NWD2: variants seen among roughly 807,000 people sequenced by gnomAD.
NWD2 encodes NACHT and WD repeat domain-containing protein 2.
NWD2 carries 37 observed loss-of-function variants against 132.7 expected under a neutral mutation model. That is an observed-to-expected ratio of 0.28 (90% confidence interval 0.21 to 0.37). The LOEUF (loss-of-function observed/expected upper bound fraction) is 0.37. Ranked by LOEUF, NWD2 falls within the 10% of genes least tolerant of loss-of-function variation. NWD2 has a pLI of 1.00. For synonymous variants in NWD2, 705 were observed against 803.0 expected (o/e 0.88, Z 2.06); for missense variants, 1,592 against 2,122.4 (o/e 0.75, Z 4.91).
intron 2 of NWD2, among the ~76,000 whole-genome samples, chr4:37,335,010 C>T (rs575377514): frequency 5.8e-4 from 88 of 152,168 alleles, no homozygotes; most frequent in African/African-American, 2.1e-3. Flanking sequence ...CCTTTTCCTC[C>T]CTAATACCAA....
rs186484374 is a variant in NWD2, at chr4:37,423,011, G to A, written c.358-7561G>A. On this transcript the variant is annotated intron_variant, in intron 3 of 6. Coordinates refer to ENST00000309447, the MANE Select transcript of NWD2 (RefSeq NM_001144990.2). ...TTTTTTTTTTTGCCCATAGAGAGATGCCAGTAAATATCAAATTATTATCAA... is the reference window on the plus strand; with the variant it reads ...TTTTTTTTTTTGCCCATAGAGAGATACCAGTAAATATCAAATTATTATCAA... Among the ~76,000 whole-genome samples the A allele has an allele frequency of 4.8e-3, 723 of 151,258 alleles. 4 individuals carry two copies. The highest frequency in any genetic ancestry group is 5.5e-3 in the Non-Finnish European group (371 of 67,930).
At chr4:37,313,161 T>C (rs996127937) in intron 1 of NWD2, among the ~76,000 whole-genome samples, 1 of 151,238 alleles carries the variant, frequency 6.6e-6, no homozygotes, top group Non-Finnish European at 1.5e-5. Flanking sequence ...TTAGGGAGGA[T>C]TCCCTCTTTT....
chr4:37,321,304 T>C (rs964677372), intron 1 of NWD2, among the ~76,000 whole-genome samples: 8 of 152,208 alleles, frequency 5.3e-5, no homozygotes, highest in Admixed American at 5.2e-4. Flanking sequence ...CTTGCTGAAG[T>C]GAAATCAAGA....
intron 3 of NWD2, among the ~76,000 whole-genome samples, chr4:37,368,693 G>C (rs769991748): frequency 1.3e-5 from 2 of 152,156 alleles, no homozygotes; most frequent in Non-Finnish European, 2.9e-5. Flanking sequence ...GGCAGGAGAG[G>C]TGAGGGTACT....
intron 1 of NWD2, among the ~76,000 whole-genome samples, chr4:37,252,045 C>CT (rs1376700545): frequency 2.6e-5 from 4 of 152,020 alleles, no homozygotes; most frequent in African/African-American, 9.7e-5. Context: ...TAAACCAACT[C>CT]GAGGTGTGGA....
intron 1 of NWD2, among the ~76,000 whole-genome samples, chr4:37,275,891 G>C (rs2109265713): frequency 6.6e-6 from 1 of 152,242 alleles, no homozygotes; most frequent in East Asian, 1.9e-4. Flanking sequence ...AAACTGGCTA[G>C]CCATATGGAG....
At chr4:37,377,693 TG>T (rs1300594112) in intron 3 of NWD2, among the ~76,000 whole-genome samples, 3 of 152,202 alleles carry the variant, frequency 2.0e-5, no homozygotes, top group African/African-American at 7.2e-5. Context: ...ATCACGCCGT[TG>T]CACTCCAGCC....
At chr4:37,431,543 G>C (rs898116176) in intron 4 of NWD2, among the ~76,000 whole-genome samples, 1 of 152,108 alleles carries the variant, frequency 6.6e-6, no homozygotes, top group Non-Finnish European at 1.5e-5. Flanking sequence ...AGAGATGTTG[G>C]TCAAAGGTCA....
chr4:37,407,978 C>A (rs939391448), intron 3 of NWD2, among the ~76,000 whole-genome samples: 1 of 152,180 alleles, frequency 6.6e-6, no homozygotes, highest in Non-Finnish European at 1.5e-5. Flanking sequence ...GGAACTGAGC[C>A]TGAGGAACTC....
chr4:37,349,479 T>C (rs966382597), intron 2 of NWD2, among the ~76,000 whole-genome samples: 3 of 152,202 alleles, frequency 2.0e-5, no homozygotes, highest in Admixed American at 2.0e-4. Context: ...ATAAATGTCT[T>C]CTTTTTTGAA....
At position 37,444,866 on chromosome 4, in the gene NWD2, C is replaced by A. The variant is rs762441618; in HGVS notation, c.2878C>A (p.Arg960Ser). Residue 960 changes from arginine (R) to serine (S), a missense_variant, in exon 7 of 7, where the codon CGT becomes AGT. Arg to Ser is a moderately radical substitution (Grantham distance 110). This residue lies in a region of NWD2 where 1,071 missense variants were observed against 1,398.0 expected (regional missense o/e 0.77). Coordinates refer to ENST00000309447, the MANE Select transcript of NWD2 (RefSeq NM_001144990.2). This position sits in a 1 kb window ranked among gnomAD's most constrained non-coding sequence, Gnocchi z 4.8. Reference protein sequence around the residue: ...SSMDVTYSPERLPLSSSHLHV... With the variant: ...SSMDVTYSPESLPLSSSHLHV... ...CATGGATGTGACATACAGCCCAGAG[C>A]GTCTTCCCTTATCATCCAGTCACCT... 5.8e-6 allele frequency: 9 copies of A among 1,552,250 alleles called. No individual in the cohort carries two copies. The South Asian group carries it at 1.1e-4, about 18-fold the overall frequency.
At chr4:37,305,687 G>C (rs1306072148) in intron 1 of NWD2, among the ~76,000 whole-genome samples, 1 of 152,214 alleles carries the variant, frequency 6.6e-6, no homozygotes, top group East Asian at 1.9e-4. Context: ...AGTTGACTGT[G>C]GTATAGAATC....
At chr4:37,370,838 T>G (rs557689386) in intron 3 of NWD2, among the ~76,000 whole-genome samples, 15 of 152,310 alleles carry the variant, frequency 9.8e-5, no homozygotes, top group African/African-American at 3.6e-4. Flanking sequence ...TTGCCTCATT[T>G]TGTTGCTTAT....
chr4:37,320,295 A>G (rs1719042891), intron 1 of NWD2, among the ~76,000 whole-genome samples: 1 of 152,224 alleles, frequency 6.6e-6, no homozygotes, highest in Non-Finnish European at 1.5e-5. Context: ...GGTGATCAGC[A>G]GTAGAAGATA....
In NWD2 at chr4:37,443,670, A is replaced by G. The variant is rs1712547323; in HGVS notation, c.1682A>G (p.His561Arg). The G allele has an allele frequency of 1.3e-6, 2 of 1,552,060 alleles. No individual in the cohort carries two copies. The highest frequency in any genetic ancestry group is 1.7e-6 in the Non-Finnish European group (2 of 1,147,128). Residue 561 changes from histidine (H) to arginine (R), a missense_variant, in exon 7 of 7, where the codon CAT (histidine) becomes CGT (arginine). By Grantham distance (29) the His-to-Arg change is conservative. This residue lies in a region of NWD2 where 1,071 missense variants were observed against 1,398.0 expected (regional missense o/e 0.77). Coordinates refer to ENST00000309447, the MANE Select transcript of NWD2 (RefSeq NM_001144990.2). The surrounding 1 kb of genome is among the most constrained non-coding windows in gnomAD (Gnocchi z 4.1). ...TTGCAGAAACTAAGGTGCCTTATCCATGAAGAAGACAACTACATCGAGCTG... is the reference window on the plus strand; with the variant it reads ...TTGCAGAAACTAAGGTGCCTTATCCGTGAAGAAGACAACTACATCGAGCTG... ...GILQKLRCLI[H>R]EEDNYIELIP...
intron 1 of NWD2, among the ~76,000 whole-genome samples, chr4:37,246,527 A>G (rs116536456): frequency 4.3e-4 from 66 of 152,324 alleles, no homozygotes; most frequent in African/African-American, 1.6e-3. Flanking sequence ...ATGATATGGT[A>G]CACTCAAAAA....
At position 37,444,002 on chromosome 4, in the gene NWD2, C is replaced by G. The variant is rs370627496; in HGVS notation, c.2014C>G (p.Leu672Val). 7.7e-6 allele frequency: 12 copies of G among 1,552,190 alleles called. No individual in the cohort carries two copies. Among genetic ancestry groups the G allele is most frequent in the Admixed American group, 2.0e-5 (1 of 51,004 alleles). The change falls in exon 7 of 7, where the codon CTG (leucine) becomes GTG (valine). Residue 672 changes from leucine to valine, a missense_variant. Physicochemically the swap from Leu to Val is conservative, Grantham distance 32. Coordinates refer to ENST00000309447, the MANE Select transcript of NWD2 (RefSeq NM_001144990.2). The surrounding 1 kb of genome is among the most constrained non-coding windows in gnomAD (Gnocchi z 4.8). ...TTACATCACCATGGCCAAAATGGGT[C>G]TGAGTGAAATGGAACTGGAGGATGT... ...LGYITMAKMG[L>V]SEMELEDVLA...
intron 1 of NWD2, 73 bp from the exon 2 acceptor site, chr4:37,325,863 A>C: frequency 1.2e-6 from 1 of 824,402 alleles, no homozygotes; most frequent in South Asian, 1.6e-5. Flanking sequence ...ATTTATTTTT[A>C]GGTTTTCATT....
Position 37,405,420 on chromosome 4 carries a change from GTAATAGAATA to G in NWD2, c.358-25151_358-25142del, listed in dbSNP as rs1251909693. Among the ~76,000 whole-genome samples the G allele has an allele frequency of 4.0e-3, 557 of 138,844 alleles. 1 individual carries two copies. Among genetic ancestry groups the G allele is most frequent in the Non-Finnish European group, 6.4e-3 (412 of 64,620 alleles). The allele number at this position is 138,844 out of a possible 152,430, so 91.1% of individuals were successfully genotyped here. A position where few individuals can be genotyped will look rare whatever the true frequency, so the allele number is the denominator to read the frequency against. On this transcript the variant is annotated intron_variant, in intron 3 of 6. Coordinates refer to ENST00000309447, the MANE Select transcript of NWD2 (RefSeq NM_001144990.2). Reference sequence around the variant, plus strand: ...GCCATCAGCAATTTTTTAGTTGAATGTAATAGAATAGAATAGAATAGAATAGAATAGAATA... The same window carrying G: ...GCCATCAGCAATTTTTTAGTTGAATGGAATAGAATAGAATAGAATAGAATA...
Sources: allele counts gnomAD v4.1 joint callset (sites outside exome capture counted in the v4.1 genomes callset), GRCh38; gene constraint gnomAD v4.1.1; regional missense constraint gnomAD v4.1.1; non-coding constraint Gnocchi (gnomAD v3.1); transcripts MANE v1.5; gene names NCBI Gene and HGNC (gene_info 2026-07-23, HGNC 2026-07-21).